Variants in ALK observed in about 807,000 individuals in gnomAD.
The protein encoded by ALK is ALK tyrosine kinase receptor.
A neutral mutation model predicts 163.1 loss-of-function variants in ALK; 74 were observed. That is an observed-to-expected ratio of 0.45 (90% CI 0.38 to 0.55). ALK has a LOEUF of 0.55. Among genes scored for constraint, ALK ranks in the 20% least tolerant of loss-of-function variants. The probability of loss-of-function intolerance (pLI) is 0.00; values close to 1 mark genes in which losing one functional copy is unlikely to be tolerated. For missense variants in ALK, 2,063 were observed against 2,105.3 expected, an observed-to-expected ratio of 0.98 and a Z score of 0.39; for synonymous variants, 960 against 843.2, an observed-to-expected ratio of 1.14 and a Z score of -2.40.
At chr2:29,375,079 G>A (rs1205110696) in intron 5 of ALK, among the ~76,000 whole-genome samples, 1 of 152,128 alleles carries the variant, frequency 6.6e-6, no homozygotes, top group Non-Finnish European at 1.5e-5. Context: ...AGCTCTGCAG[G>A]AGGCCTCAGA....
chr2:29,456,646 C>T lies in ALK; in HGVS notation c.1155-72787G>A, dbSNP rs571744239. On this transcript the variant is annotated intron_variant, in intron 4 of 28. Coordinates refer to ENST00000389048, the MANE Select transcript of ALK (RefSeq NM_004304.5). ...TGGAGTTGGATGGCAGTAATGATTG[C>T]ACAATAATATGAATATACTTAATGT... 1.6e-4 allele frequency among the ~76,000 whole-genome samples: 25 copies of T among 152,170 alleles called. No individual in the cohort carries two copies. The East Asian group carries it at 4.8e-3, about 29-fold the overall frequency.
rs549303764 is a variant in ALK at position 29,201,719 on chromosome 2, G to A, written c.3939-4043C>T. 3.2e-4 allele frequency among the ~76,000 whole-genome samples: 48 copies of A among 151,774 alleles called. 1 individual carries two copies. In the Middle Eastern group the frequency reaches 0.01, roughly 32 times the overall value. ...AGAGGATTGTTTCAACCTAGGAGGC[G>A]GAGGTTGCAGTGAGCTGAGATGGCG... On this transcript the variant is annotated intron_variant, in intron 26 of 28. Coordinates refer to ENST00000389048, the MANE Select transcript of ALK (RefSeq NM_004304.5).
intron 3 of ALK, among the ~76,000 whole-genome samples, chr2:29,678,122 T>C (rs916712598): frequency 2.0e-5 from 3 of 152,036 alleles, no homozygotes; most frequent in Admixed American, 1.3e-4. Context: ...TACAATCTTT[T>C]AAATTCTTTA....
intron 3 of ALK, among the ~76,000 whole-genome samples, chr2:29,593,294 G>A (rs1675114485): frequency 6.6e-6 from 1 of 152,206 alleles, no homozygotes; most frequent in Non-Finnish European, 1.5e-5. Context: ...GATGGCTGGA[G>A]ATGATTTCCA....
At chr2:29,876,310 T>C (rs1477331307) in intron 1 of ALK, among the ~76,000 whole-genome samples, 2 of 152,120 alleles carry the variant, frequency 1.3e-5, no homozygotes, top group African/African-American at 2.4e-5. Flanking sequence ...ATGACAGTGG[T>C]GGTGATGGTG....
At chr2:29,235,340 C>T (rs75208395) in intron 13 of ALK, among the ~76,000 whole-genome samples, 9,097 of 152,266 alleles carry the variant, frequency 0.06, 348 homozygotes, top group Non-Finnish European at 0.089. Flanking sequence ...CCACTTCTTA[C>T]GCTAAAGCGC....
chr2:29,347,076 G>T (rs1481348482), intron 5 of ALK, among the ~76,000 whole-genome samples: 1 of 152,090 alleles, frequency 6.6e-6, no homozygotes, highest in African/African-American at 2.4e-5. Context: ...GTAGTTCAAG[G>T]TACATGATTT....
At chr2:29,511,300 G>A (rs1235851603) in intron 4 of ALK, among the ~76,000 whole-genome samples, 1 of 151,954 alleles carries the variant, frequency 6.6e-6, no homozygotes, top group East Asian at 1.9e-4. Context: ...ATCCTGCCCT[G>A]CTTCCTGGGG....
intron 1 of ALK, among the ~76,000 whole-genome samples, chr2:29,881,931 A>G (rs57583918): frequency 0.064 from 9,679 of 152,246 alleles, 443 homozygotes; most frequent in East Asian, 0.14. Flanking sequence ...TCCTCAGTTC[A>G]GAAGGCCAAA....
In ALK at chr2:29,836,063, G is replaced by T. The variant is rs537531082; in HGVS notation, c.667+83930C>A. On this transcript the variant is annotated intron_variant, in intron 1 of 28. Transcript: ENST00000389048. ...GCAGCATGACAAATGAGGGGGTTTT[G>T]CCTGAGATCATTCCATAACTCAGCT... Among the ~76,000 whole-genome samples, 11 of 152,124 alleles carry T rather than the reference G, an allele frequency of 7.2e-5. No individual in the cohort carries two copies. The South Asian group carries it at 2.3e-3, about 32-fold the overall frequency.
chr2:29,894,944 T>C (rs1667232052), intron 1 of ALK, among the ~76,000 whole-genome samples: 2 of 152,132 alleles, frequency 1.3e-5, no homozygotes, highest in African/African-American at 4.8e-5. Flanking sequence ...AGCATTTGTT[T>C]AACAATCAAT....
intron 1 of ALK, among the ~76,000 whole-genome samples, chr2:29,731,310 G>T (rs1448997200): frequency 6.6e-6 from 1 of 152,200 alleles, no homozygotes; most frequent in Non-Finnish European, 1.5e-5. Context: ...AGGATTAGGG[G>T]CTCATCATGA....
rs79633127 is a variant in ALK, at chr2:29,535,870, C to T, written c.953-3754G>A. 8.9e-3 allele frequency among the ~76,000 whole-genome samples: 1,351 copies of T among 152,286 alleles called. 20 individuals are homozygous for T. The highest frequency in any genetic ancestry group is 0.026 in the African/African-American group (1,095 of 41,548). ...GTCCTAAACTCTTCTTCTCATAATT[C>T]ACCTCTCTGAGGGTTATATACCAAC... On this transcript the variant is annotated intron_variant, in intron 3 of 28. Coordinates refer to ENST00000389048, the MANE Select transcript of ALK (RefSeq NM_004304.5).
At chr2:29,847,802 G>C (rs1020204305) in intron 1 of ALK, among the ~76,000 whole-genome samples, 29 of 151,782 alleles carry the variant, frequency 1.9e-4, no homozygotes, top group African/African-American at 7.0e-4. Context: ...TAAAAAAAGA[G>C]AGAAAGGAGA....
At chr2:29,628,556 C>T (rs1676263990) in intron 3 of ALK, among the ~76,000 whole-genome samples, 1 of 152,166 alleles carries the variant, frequency 6.6e-6, no homozygotes, top group African/African-American at 2.4e-5. Context: ...ATACTCTACT[C>T]ATTTGTTATT....
chr2:29,214,757 G>A (rs987617087), intron 23 of ALK, among the ~76,000 whole-genome samples: 3 of 152,176 alleles, frequency 2.0e-5, no homozygotes, highest in African/African-American at 7.2e-5. Flanking sequence ...TCCAGAAGGC[G>A]ACATCCCATC....
chr2:29,674,833 A>G (rs955220202), intron 3 of ALK, among the ~76,000 whole-genome samples: 9 of 114,038 alleles, frequency 7.9e-5, no homozygotes, highest in Non-Finnish European at 1.4e-4. Context: ...TAAGCTATTG[A>G]TTATTGCCAC....
intron 3 of ALK, among the ~76,000 whole-genome samples, chr2:29,582,775 C>A (rs879937500): frequency 6.6e-6 from 1 of 151,576 alleles, no homozygotes; most frequent in East Asian, 1.9e-4. Context: ...GAGACAGAGA[C>A]GGAACCAGAG....
intron 5 of ALK, among the ~76,000 whole-genome samples, chr2:29,382,100 C>G (rs1458305081): frequency 6.6e-6 from 1 of 152,192 alleles, no homozygotes; most frequent in Non-Finnish European, 1.5e-5. Context: ...AAGAAGGAAG[C>G]TGGACCATGA....
Sources: gnomAD v4.1 joint callset for allele counts (sites outside exome capture counted in the v4.1 genomes callset) on GRCh38, gnomAD v4.1.1 for gene constraint, MANE v1.5 for transcripts, NCBI Gene and HGNC (gene_info 2026-07-23, HGNC 2026-07-21) for gene names.